Variants in ATG10 observed in about 807,000 individuals in gnomAD.
ATG10 encodes the protein autophagy related 10, also known as ubiquitin-like-conjugating enzyme ATG10.
In ATG10, 30 loss-of-function variants were observed where a neutral mutation model predicts 32.1. That is an observed-to-expected ratio of 0.94 (90% confidence interval 0.70 to 1.27). The LOEUF is 1.27. ATG10 is among the 50% of genes most tolerant of loss of function. ATG10 has a pLI of 0.00. For missense variants in ATG10, 233 were observed against 262.3 expected, an observed-to-expected ratio of 0.89 and a Z score of 0.77; for synonymous variants, 87 against 91.5, an observed-to-expected ratio of 0.95 and a Z score of 0.28.
At chr5:82,090,354 C>G (rs891852164) in intron 3 of ATG10, among the ~76,000 whole-genome samples, 5 of 152,086 alleles carry the variant, frequency 3.3e-5, no homozygotes, top group African/African-American at 1.2e-4. Context: ...AACTTAGAAA[C>G]AACCCACATG....
intron 5 of ATG10, among the ~76,000 whole-genome samples, chr5:82,194,350 A>G (rs975568690): frequency 6.6e-6 from 1 of 152,158 alleles, no homozygotes; most frequent in African/African-American, 2.4e-5. Flanking sequence ...ATGTTTGTAA[A>G]TGGCTAAGCT....
chr5:82,167,892 T>C (rs1487332602), intron 4 of ATG10, among the ~76,000 whole-genome samples: 1 of 152,180 alleles, frequency 6.6e-6, no homozygotes, highest in Non-Finnish European at 1.5e-5. Flanking sequence ...CTAACTACTT[T>C]TGTCATTGTA....
intron 3 of ATG10, among the ~76,000 whole-genome samples, chr5:82,118,327 TAC>T (rs1277343143): frequency 7.1e-6 from 1 of 141,320 alleles, no homozygotes; most frequent in Non-Finnish European, 1.5e-5. Flanking sequence ...TATATATATA[TAC>T]ACACAAATAT....
At chr5:82,174,432 T>G (rs1355792192) in intron 4 of ATG10, among the ~76,000 whole-genome samples, 1 of 152,256 alleles carries the variant, frequency 6.6e-6, no homozygotes, top group Non-Finnish European at 1.5e-5. Context: ...TTTTGGGAAC[T>G]GCTGGTTTTG....
At chr5:82,245,309 C>G (rs1746980134) in intron 5 of ATG10, among the ~76,000 whole-genome samples, 1 of 152,156 alleles carries the variant, frequency 6.6e-6, no homozygotes, top group African/African-American at 2.4e-5. Context: ...TAGCATAAGC[C>G]TTACAAAATC....
At chr5:82,073,469 C>T (rs1449016716) in intron 3 of ATG10, 2 of 152,142 alleles carry the variant, frequency 1.3e-5, no homozygotes, top group African/African-American at 2.4e-5. Flanking sequence ...AGAACAAGGG[C>T]TTTAAAATTA....
At chr5:82,213,306 C>T (rs556448383) in intron 5 of ATG10, among the ~76,000 whole-genome samples, 1 of 152,302 alleles carries the variant, frequency 6.6e-6, no homozygotes, top group Non-Finnish European at 1.5e-5. Context: ...TCCTCTTGAC[C>T]GTGGTCTTGG....
chr5:82,034,827 C>T (rs907261421), intron 2 of ATG10, among the ~76,000 whole-genome samples: 3 of 152,168 alleles, frequency 2.0e-5, no homozygotes, highest in African/African-American at 7.2e-5. Context: ...AGTGAGATCA[C>T]ACCTGCCCAC....
chr5:82,043,629 A>G (rs1033985418), intron 2 of ATG10, among the ~76,000 whole-genome samples: 1 of 152,236 alleles, frequency 6.6e-6, no homozygotes, highest in Non-Finnish European at 1.5e-5. Flanking sequence ...TCCTTCATGC[A>G]TATGAGCATA....
intron 3 of ATG10, among the ~76,000 whole-genome samples, chr5:82,106,180 C>T (rs1340990754): frequency 6.6e-6 from 1 of 152,090 alleles, no homozygotes; most frequent in African/African-American, 2.4e-5. Context: ...TAAAACATAA[C>T]TGCATTTAAC....
At chr5:82,243,678 A>G (rs1477925392) in intron 5 of ATG10, among the ~76,000 whole-genome samples, 1 of 152,150 alleles carries the variant, frequency 6.6e-6, no homozygotes, top group Admixed American at 6.5e-5. Context: ...ACAAACTGCA[A>G]TTGACAAACA....
intron 4 of ATG10, among the ~76,000 whole-genome samples, chr5:82,167,973 G>A (rs562868589): frequency 6.6e-5 from 10 of 152,264 alleles, no homozygotes; most frequent in African/African-American, 2.2e-4. Context: ...ATAATTGCAC[G>A]TCTGTTGAGT....
chr5:82,076,225 A>G (rs13164890), intron 3 of ATG10, among the ~76,000 whole-genome samples: 52,795 of 151,978 alleles, frequency 0.35, 10,475 homozygotes, highest in East Asian at 0.76. Flanking sequence ...GGAAATAGTG[A>G]CACACTTCTC....
intron 3 of ATG10, among the ~76,000 whole-genome samples, chr5:82,104,570 T>A (rs937310872): frequency 6.6e-6 from 1 of 152,154 alleles, no homozygotes; most frequent in Admixed American, 6.6e-5. Flanking sequence ...AATTAAGTAG[T>A]AATGTTAACT....
At chr5:82,153,499 T>C (rs1344592382) in intron 3 of ATG10, among the ~76,000 whole-genome samples, 1 of 152,082 alleles carries the variant, frequency 6.6e-6, no homozygotes, top group Non-Finnish European at 1.5e-5. Flanking sequence ...GGGTGACAGA[T>C]TCTAAGTGAT....
chr5:82,006,822 C>T (rs955933244), intron 2 of ATG10, among the ~76,000 whole-genome samples: 1 of 152,064 alleles, frequency 6.6e-6, no homozygotes, highest in Non-Finnish European at 1.5e-5. Context: ...CTCTAGTTAT[C>T]TCAGGTAAGT....
chr5:82,052,502 G>A lies in ATG10; in HGVS notation c.109-5993G>A, dbSNP rs114196455. ...TGGAATCTACTCTGGCAATGTGGTG[G>A]CCTGGAGGCATATGTGCAAAGGGCA... On this transcript the variant is annotated intron_variant, in intron 2 of 7. Transcript: ENST00000282185. Among the ~76,000 whole-genome samples, 802 of 152,256 alleles carry A rather than the reference G, an allele frequency of 5.3e-3. 6 individuals carry two copies. Among genetic ancestry groups the A allele is most frequent in the African/African-American group, 0.018 (756 of 41,540 alleles).
intron 3 of ATG10, among the ~76,000 whole-genome samples, chr5:82,143,356 C>T (rs1011150204): frequency 3.3e-5 from 5 of 152,204 alleles, no homozygotes; most frequent in African/African-American, 7.2e-5. Flanking sequence ...CAGCACAGAA[C>T]GGTCGTTAGA....
intron 5 of ATG10, among the ~76,000 whole-genome samples, chr5:82,247,862 T>G (rs919324872): frequency 6.6e-6 from 1 of 152,170 alleles, no homozygotes; most frequent in Admixed American, 6.5e-5. Flanking sequence ...TTTTTTTCCC[T>G]GTAAGTGTGG....
Sources: gnomAD v4.1 joint callset for allele counts (sites outside exome capture counted in the v4.1 genomes callset) on GRCh38, gnomAD v4.1.1 for gene constraint, MANE v1.5 for transcripts, NCBI Gene and HGNC (gene_info 2026-07-23, HGNC 2026-07-21) for gene names.